ABL2: variants seen among roughly 807,000 people sequenced by gnomAD.
ABL2 encodes tyrosine-protein kinase ABL2.
ABL2 carries 49 observed loss-of-function variants against 107.7 expected under a neutral mutation model. The observed-to-expected ratio is 0.45, with a 90% CI of 0.36 to 0.58. The LOEUF is 0.58. Ranked by LOEUF, ABL2 falls within the 20% of genes least tolerant of loss-of-function variation. The pLI is 0.00. For missense variants in ABL2, 1,245 were observed against 1,457.0 expected, an observed-to-expected ratio of 0.85 and a Z score of 2.37; for synonymous variants, 549 against 548.6, an observed-to-expected ratio of 1.00 and a Z score of -0.01.
chr1:179,212,769 G>A (rs1352043844), intron 1 of ABL2, among the ~76,000 whole-genome samples: 6 of 149,190 alleles, frequency 4.0e-5, no homozygotes, highest in Non-Finnish European at 7.4e-5. Context: ...CAAGCTGGCT[G>A]GGCGTGGTGG....
At position 179,105,987 on chromosome 1, in the gene ABL2, C is replaced by T; in HGVS notation, c.*1731G>A. 1 of 222,016 alleles carries T rather than the reference C, an allele frequency of 4.5e-6. No individual in the cohort carries two copies. Among genetic ancestry groups the T allele is most frequent in the East Asian group, 6.6e-5 (1 of 15,202 alleles). 13.8% of individuals were successfully genotyped at this position (222,016 alleles called of 1,614,324 possible). A position where few individuals can be genotyped will look rare whatever the true frequency, so the allele number is the denominator to read the frequency against. The stretch of plus-strand genomic sequence containing the variant: ...ACACCCTTGAGAACATGTACTGTTA[C>T]CTTAATTAAATAGATTAAGAGATGA... On this transcript the variant is annotated 3_prime_UTR_variant, in exon 12 of 12. Coordinates refer to ENST00000502732, the MANE Select transcript of ABL2 (RefSeq NM_007314.4).
Position 179,139,300 on chromosome 1 carries a change from C to T in ABL2, c.158-5926G>A, listed in dbSNP as rs554758198. Among the ~76,000 whole-genome samples the T allele has an allele frequency of 1.1e-4, 17 of 152,166 alleles. No homozygotes were observed. The East Asian group carries it at 2.9e-3, about 26-fold the overall frequency. On this transcript the variant is annotated intron_variant, in intron 1 of 11. Coordinates refer to ENST00000502732, the MANE Select transcript of ABL2 (RefSeq NM_007314.4). ...ACCGGGAGGAACGAACAACTCCAAA[C>T]GCGCTACCTTAAGAGCTGTAACACT...
rs1428491134 is a variant in ABL2 at position 179,119,533 on chromosome 1, AC to A, written c.1045+656del. ...ATTTAAAAAACAAACAAAAAAAAACACCCCCCACACCCCCCCAAAAAAAAGA... is the reference window on the plus strand; with the variant it reads ...ATTTAAAAAACAAACAAAAAAAAACACCCCCACACCCCCCCAAAAAAAAGA... On this transcript the variant is annotated intron_variant, in intron 6 of 11. Transcript: ENST00000502732. Among the ~76,000 whole-genome samples, 64 of 117,014 alleles carry A rather than the reference AC, an allele frequency of 5.5e-4. 1 individual carries two copies. Among genetic ancestry groups the A allele is most frequent in the Middle Eastern group, 4.8e-3 (1 of 208 alleles). 76.8% of individuals were successfully genotyped at this position (117,014 alleles called of 152,430 possible).
intron 9 of ABL2, among the ~76,000 whole-genome samples, chr1:179,113,005 C>G (rs1654251284): frequency 6.6e-6 from 1 of 152,206 alleles, no homozygotes; most frequent in East Asian, 1.9e-4. Flanking sequence ...CCACCCGCCT[C>G]AGCCTCCCAA....
chr1:179,206,549 G>A (rs1661978956), intron 1 of ABL2, among the ~76,000 whole-genome samples: 1 of 149,588 alleles, frequency 6.7e-6, no homozygotes, highest in Non-Finnish European at 1.5e-5. Context: ...ATGAAAGAAT[G>A]TCCAACATAA....
chr1:179,119,138 T>C (rs1273418226), intron 6 of ABL2, among the ~76,000 whole-genome samples: 2 of 152,090 alleles, frequency 1.3e-5, no homozygotes, highest in East Asian at 3.9e-4. Context: ...ATAGCAATTG[T>C]GCACAAGCTG....
At position 179,118,737 on chromosome 1, in the gene ABL2, T is replaced by G; in HGVS notation, c.1073A>C (p.Tyr358Ser). The change falls in exon 7 of 12, where the codon TAC becomes TCC. Residue 358 changes from tyrosine to serine, a missense_variant. Physicochemically the swap from Tyr to Ser is moderately radical, Grantham distance 144. Coordinates refer to ENST00000502732, the MANE Select transcript of ABL2 (RefSeq NM_007314.4). ...LGVCTLEPPFYIVTEYMPYGN... is the reference protein window; with the variant it reads ...LGVCTLEPPFSIVTEYMPYGN... ...GTATGGCATGTATTCAGTCACAATG[T>G]AAAATGGTGGCTCCAAAGTACACAC... The G allele has an allele frequency of 6.2e-7, 1 of 1,614,092 alleles. No homozygotes were observed. Among genetic ancestry groups the G allele is most frequent in the Non-Finnish European group, 8.5e-7 (1 of 1,180,008 alleles).
intron 1 of ABL2, among the ~76,000 whole-genome samples, chr1:179,223,287 G>A (rs989569230): frequency 5.3e-5 from 8 of 151,416 alleles, no homozygotes; most frequent in African/African-American, 9.7e-5. Context: ...ATGGTAGCAC[G>A]CACCTATAGT....
chr1:179,161,716 A>G (rs1467922145), intron 1 of ABL2, among the ~76,000 whole-genome samples: 1 of 152,192 alleles, frequency 6.6e-6, no homozygotes, highest in Admixed American at 6.5e-5. Context: ...CTCTCAATAA[A>G]GAAATAACGA....
chr1:179,186,012 G>C (rs1034594565), intron 1 of ABL2, among the ~76,000 whole-genome samples: 1 of 152,002 alleles, frequency 6.6e-6, no homozygotes, highest in Non-Finnish European at 1.5e-5. Context: ...TGGGAGGCCC[G>C]GGCGGGGAGA....
rs1653042114 is a variant in ABL2 at position 179,100,974 on chromosome 1, C to T, written c.*6744G>A. The T allele has an allele frequency of 2.6e-5, 6 of 232,706 alleles. No homozygotes were observed. Among genetic ancestry groups the T allele is most frequent in the South Asian group, 1.8e-4 (1 of 5,526 alleles). The allele number at this position is 232,706 out of a possible 1,614,324, so 14.4% of individuals were successfully genotyped here. On this transcript the variant is annotated 3_prime_UTR_variant, in exon 12 of 12. Transcript: ENST00000502732. ...GTAAGTGCACTTGGAGGGAAGGGTC[C>T]GGCGAGACCTCGCCAGGTGGGCTTG... is the stretch of plus-strand genomic sequence containing the variant.
At chr1:179,167,050 G>A (rs1454732640) in intron 1 of ABL2, among the ~76,000 whole-genome samples, 1 of 152,038 alleles carries the variant, frequency 6.6e-6, no homozygotes, top group African/African-American at 2.4e-5. Flanking sequence ...CCCACTACTA[G>A]GTATTAATCC....
At chr1:179,110,176 T>C (rs1164732457) in intron 11 of ABL2, 106 bp downstream of exon 11, 27 of 1,361,978 alleles carry the variant, frequency 2.0e-5, no homozygotes, top group Middle Eastern at 1.8e-4. Context: ...ACGCCATGCT[T>C]TCCCCAGGGA....
chr1:179,110,547 C>G, intron 10 of ABL2, 92 bp from the exon 11 acceptor site: 1 of 1,526,508 alleles, frequency 6.6e-7, no homozygotes, highest in Non-Finnish European at 8.7e-7. Flanking sequence ...TGAGAAAGAA[C>G]TGGCAAGTAG....
rs1163646204 is a variant in ABL2, at chr1:179,101,718, G to A, written c.*6000C>T. The stretch of plus-strand genomic sequence containing the variant: ...CTCAAGATAGAATACATACCTCAGA[G>A]AGGTGGCATGAAAAGCAGAAATTCA... On this transcript the variant is annotated 3_prime_UTR_variant, in exon 12 of 12. Coordinates refer to ENST00000502732, the MANE Select transcript of ABL2 (RefSeq NM_007314.4). 5.4e-6 allele frequency: 1 copy of A among 183,532 alleles called. No individual in the cohort carries two copies. Among genetic ancestry groups the A allele is most frequent in the Admixed American group, 6.3e-5 (1 of 15,982 alleles). The allele number at this position is 183,532 out of a possible 1,614,324, so 11.4% of individuals were successfully genotyped here. A position where few individuals can be genotyped will look rare whatever the true frequency, so the allele number is the denominator to read the frequency against.
chr1:179,182,877 T>C lies in ABL2; in HGVS notation c.157+46364A>G, dbSNP rs537711534. On this transcript the variant is annotated intron_variant, in intron 1 of 11. Coordinates refer to ENST00000502732, the MANE Select transcript of ABL2 (RefSeq NM_007314.4). ...GACCAGTTTGGCTTTGTAGGATATC[T>C]GATTTATGGAATATTTTAGGATACT... Among the ~76,000 whole-genome samples the C allele has an allele frequency of 5.3e-5, 8 of 152,342 alleles. No individual in the cohort carries two copies. In the East Asian group the frequency reaches 1.5e-3, roughly 29 times the overall value.
intron 1 of ABL2, among the ~76,000 whole-genome samples, chr1:179,142,767 T>C (rs1422066878): frequency 1.3e-5 from 2 of 152,208 alleles, no homozygotes; most frequent in Non-Finnish European, 2.9e-5. Context: ...TCAGTATTTA[T>C]TGAGATCCTA....
At chr1:179,206,565 A>G (rs975361896) in intron 1 of ABL2, among the ~76,000 whole-genome samples, 1 of 152,204 alleles carries the variant, frequency 6.6e-6, no homozygotes, top group East Asian at 1.9e-4. Context: ...CATAAGCTAT[A>G]TAATAGCATC....
intron 1 of ABL2, among the ~76,000 whole-genome samples, chr1:179,141,502 GATATATGC>G (rs1657587280): frequency 6.6e-6 from 1 of 152,134 alleles, no homozygotes; most frequent in African/African-American, 2.4e-5. Context: ...AAATTTAGAA[GATATATGC>G]AGGCCAAACA....
Sources: allele counts gnomAD v4.1 joint callset (sites outside exome capture counted in the v4.1 genomes callset), GRCh38; gene constraint gnomAD v4.1.1; transcripts MANE v1.5; gene names NCBI Gene and HGNC (gene_info 2026-07-23, HGNC 2026-07-21).